The following MAP3K5 variants were observed in gnomAD, a reference collection of about 807,000 sequenced individuals.
MAP3K5 encodes ASK-1.
In MAP3K5, 56 loss-of-function variants were observed where a neutral mutation model predicts 158.7. That is an observed-to-expected ratio of 0.35 (90% confidence interval 0.28 to 0.44). The LOEUF (loss-of-function observed/expected upper bound fraction) is 0.44, where lower values mean the gene tolerates loss of function less well. MAP3K5 is among the 20% of genes least tolerant of loss of function. The pLI is 1.00. For missense variants in MAP3K5, 1,294 were observed against 1,674.8 expected (o/e 0.77, Z 3.97); for synonymous variants, 579 against 601.7 (o/e 0.96, Z 0.55).
chr6:136,740,633 T>C (rs1782671411), intron 1 of MAP3K5, among the ~76,000 whole-genome samples: 1 of 152,152 alleles, frequency 6.6e-6, no homozygotes, highest in Non-Finnish European at 1.5e-5. Context: ...AAGAAAGATT[T>C]AAAAAAAGAA....
At chr6:136,607,545 T>C (rs1323163132) in intron 18 of MAP3K5, among the ~76,000 whole-genome samples, 3 of 152,228 alleles carry the variant, frequency 2.0e-5, no homozygotes, top group South Asian at 4.1e-4. Flanking sequence ...ACCTGAACAC[T>C]GGCTTAAGTA....
chr6:136,558,270 T>G (rs548442920), intron 29 of MAP3K5, among the ~76,000 whole-genome samples: 1 of 151,952 alleles, frequency 6.6e-6, no homozygotes, highest in African/African-American at 2.4e-5. Context: ...TCCCAGCTAC[T>G]TGGGAGGCTG....
At chr6:136,658,313 CTTTTT>C (rs57535051) in intron 9 of MAP3K5, among the ~76,000 whole-genome samples, 2 of 90,486 alleles carry the variant, frequency 2.2e-5, no homozygotes, top group African/African-American at 8.7e-5. Flanking sequence ...TTCTTTCTTT[CTTTTT>C]TTTTTTTTTT....
intron 11 of MAP3K5, among the ~76,000 whole-genome samples, chr6:136,649,261 T>C (rs1778413376): frequency 6.6e-6 from 1 of 152,204 alleles, no homozygotes; most frequent in South Asian, 2.1e-4. Context: ...TGAGCCACTG[T>C]GCCCAGCTGG....
intron 14 of MAP3K5, among the ~76,000 whole-genome samples, chr6:136,628,636 TA>T (rs1777158292): frequency 1.3e-5 from 2 of 152,322 alleles, no homozygotes; most frequent in Admixed American, 6.5e-5. Context: ...GACTATTTTT[TA>T]AAAGATTACG....
At chr6:136,651,121 T>A (rs1242589413) in intron 10 of MAP3K5, 30 bp from the exon 11 acceptor site, 1 of 1,245,604 alleles carries the variant, frequency 8.0e-7, no homozygotes, top group Non-Finnish European at 1.2e-6. Flanking sequence ...GAAACTAATA[T>A]CAGTGACTTA....
chr6:136,626,226 T>C (rs1419450430), intron 14 of MAP3K5, among the ~76,000 whole-genome samples: 1 of 152,086 alleles, frequency 6.6e-6, no homozygotes, highest in African/African-American at 2.4e-5. Context: ...GGGTGGTGTC[T>C]TCTGGGGAAA....
At chr6:136,611,217 G>A in intron 18 of MAP3K5, 65 bp downstream of exon 18, 1 of 860,398 alleles carries the variant, frequency 1.2e-6, no homozygotes, top group Non-Finnish European at 1.9e-6. Context: ...CTCTCACATT[G>A]TGCTCAAACT....
chr6:136,652,861 G>A (rs762927312), intron 10 of MAP3K5, among the ~76,000 whole-genome samples: 1 of 152,204 alleles, frequency 6.6e-6, no homozygotes, highest in Non-Finnish European at 1.5e-5. Flanking sequence ...GACAAAATGT[G>A]AGAAATGCAT....
intron 20 of MAP3K5, among the ~76,000 whole-genome samples, 178 bp from the exon 21 acceptor site, chr6:136,601,220 T>C (rs1219173397): frequency 8.3e-6 from 1 of 121,020 alleles, no homozygotes; most frequent in Non-Finnish European, 1.5e-5. Context: ...GAACCTTTAC[T>C]TTTTTTTCTG....
chr6:136,587,810 T>C (rs1464332627), intron 23 of MAP3K5, among the ~76,000 whole-genome samples: 2 of 152,244 alleles, frequency 1.3e-5, no homozygotes, highest in East Asian at 3.8e-4. Flanking sequence ...TGGTTGCTTT[T>C]AAGGTTTTCT....
chr6:136,611,498 C>G, intron 17 of MAP3K5, 111 bp from the exon 18 acceptor site: 1 of 592,114 alleles, frequency 1.7e-6, no homozygotes, highest in South Asian at 2.4e-5. Context: ...CAGCTACCAA[C>G]GACATTAATT....
At chr6:136,580,040 G>A (rs892763306) in intron 25 of MAP3K5, among the ~76,000 whole-genome samples, 2 of 152,174 alleles carry the variant, frequency 1.3e-5, no homozygotes, top group Non-Finnish European at 2.9e-5. Context: ...ATTTATCTGA[G>A]TCACCTGTAT....
At position 136,592,613 on chromosome 6, in the gene MAP3K5, T is replaced by G; in HGVS notation, c.2880A>C (p.Glu960Asp). 1 of 1,612,628 alleles carries G rather than the reference T, an allele frequency of 6.2e-7. No homozygotes were observed. The highest frequency in any genetic ancestry group is 8.5e-7 in the Non-Finnish European group (1 of 1,178,880). ...KLSALSAGSN[E>D]YLRSISLPVP... ...CCGGCAAGGATATACTCCTGAGATA[T>G]TCTGCTTGTGATGAGAGGAGGGAAA... Residue 960 changes from glutamate to aspartate, a missense_variant and splice_region_variant, in exon 22 of 30, where the codon GAA becomes GAC. Glu to Asp is a conservative substitution (Grantham distance 45). Around this residue, in one of 5 missense-constraint regions of MAP3K5, gnomAD observed 362 missense variants for 463.2 expected, o/e 0.78. Coordinates refer to ENST00000359015, the MANE Select transcript of MAP3K5 (RefSeq NM_005923.4).
intron 10 of MAP3K5, among the ~76,000 whole-genome samples, chr6:136,655,526 G>A (rs375820284): frequency 3.2e-4 from 49 of 152,278 alleles, no homozygotes; most frequent in African/African-American, 1.0e-3. Flanking sequence ...AACTGTCACC[G>A]CCTCTAAGTA....
At chr6:136,650,668 A>G (rs1778479677) in intron 11 of MAP3K5, among the ~76,000 whole-genome samples, 1 of 152,236 alleles carries the variant, frequency 6.6e-6, no homozygotes, top group Admixed American at 6.5e-5. Flanking sequence ...ACGTATTTTA[A>G]GTATTAGTTC....
At position 136,557,752 on chromosome 6, in the gene MAP3K5, C is replaced by A; in HGVS notation, c.*6G>T. On this transcript the variant is annotated 3_prime_UTR_variant, in exon 30 of 30. Coordinates refer to ENST00000359015, the MANE Select transcript of MAP3K5 (RefSeq NM_005923.4). ...AATTTCCATCGAAGATTAGATTGAG[C>A]AACAGTCAAGTCTGTTTGTTTCGAA... The A allele has an allele frequency of 6.3e-7, 1 of 1,599,674 alleles. No homozygotes were observed. Among genetic ancestry groups the A allele is most frequent in the African/African-American group, 1.3e-5 (1 of 74,680 alleles).
At chr6:136,694,493 T>G (rs1233858030) in intron 6 of MAP3K5, among the ~76,000 whole-genome samples, 183 bp from the exon 7 acceptor site, 2 of 152,268 alleles carry the variant, frequency 1.3e-5, no homozygotes, top group Admixed American at 1.3e-4. Context: ...TTTATCCCAT[T>G]GTATGTCTAC....
chr6:136,741,350 T>G (rs1199584924), intron 1 of MAP3K5, among the ~76,000 whole-genome samples: 2 of 152,132 alleles, frequency 1.3e-5, no homozygotes, highest in Non-Finnish European at 2.9e-5. Context: ...GGAGCAAAAT[T>G]CAAATTATTG....
Sources: gnomAD v4.1 joint callset for allele counts (sites outside exome capture counted in the v4.1 genomes callset) on GRCh38, gnomAD v4.1.1 for gene constraint, gnomAD v4.1.1 regional missense constraint, MANE v1.5 for transcripts, NCBI Gene and HGNC (gene_info 2026-07-23, HGNC 2026-07-21) for gene names.